BCAR3: variants seen among roughly 807,000 people sequenced by gnomAD.
BCAR3 encodes the protein breast cancer anti-estrogen resistance protein 3.
Under a neutral mutation model 80.1 loss-of-function variants are expected in BCAR3, and 37 were observed. That is an observed-to-expected ratio of 0.46 (90% CI 0.36 to 0.61). The LOEUF (loss-of-function observed/expected upper bound fraction) is 0.61. BCAR3 is among the 20% of genes least tolerant of loss of function. The pLI is 0.00. For synonymous variants in BCAR3, 389 were observed against 418.9 expected, an observed-to-expected ratio of 0.93 and a Z score of 0.87; for missense variants, 978 against 1,068.2, an observed-to-expected ratio of 0.92 and a Z score of 1.18.
At chr1:93,738,458 T>G (rs1157076574) in intron 2 of BCAR3, among the ~76,000 whole-genome samples, 1 of 152,244 alleles carries the variant, frequency 6.6e-6, no homozygotes, top group Non-Finnish European at 1.5e-5. Flanking sequence ...GCTAAGCTTG[T>G]GCTCCGCCCT....
At chr1:93,682,777 T>G (rs1402808424), upstream of BCAR3, among the ~76,000 whole-genome samples, 1 of 152,176 alleles carries the variant, frequency 6.6e-6, no homozygotes, top group Admixed American at 6.5e-5. Context: ...GGTCTCGAAC[T>G]CCTGACCTCA....
intron 2 of BCAR3, among the ~76,000 whole-genome samples, chr1:93,713,576 A>G (rs1650097839): frequency 6.6e-6 from 1 of 152,194 alleles, no homozygotes; most frequent in Admixed American, 6.5e-5. Context: ...CTGAAGCAAG[A>G]GTTCCTTGCT....
At chr1:93,726,215 C>T (rs1185471711) in intron 2 of BCAR3, among the ~76,000 whole-genome samples, 2 of 152,144 alleles carry the variant, frequency 1.3e-5, no homozygotes, top group Non-Finnish European at 2.9e-5. Flanking sequence ...CAAGTGCATA[C>T]CACCATGCCC....
intron 3 of BCAR3, among the ~76,000 whole-genome samples, chr1:93,604,885 T>C (rs1167496694): frequency 2.6e-5 from 4 of 152,194 alleles, no homozygotes; most frequent in African/African-American, 7.2e-5. Flanking sequence ...AATGTACTCA[T>C]TGCACTGTAA....
At chr1:93,613,493 A>G (rs1288614931) in intron 3 of BCAR3, among the ~76,000 whole-genome samples, 2 of 152,242 alleles carry the variant, frequency 1.3e-5, no homozygotes, top group Non-Finnish European at 2.9e-5. Flanking sequence ...AAAAGGGCTC[A>G]GCTACCTTGT....
intron 5 of BCAR3, among the ~76,000 whole-genome samples, chr1:93,588,765 C>T (rs1208425359): frequency 2.0e-5 from 3 of 152,098 alleles, no homozygotes; most frequent in African/African-American, 7.2e-5. Flanking sequence ...CAGCACCCCC[C>T]GAAATTCTTC....
At chr1:93,834,970 A>G (rs997033936) in intron 2 of BCAR3, among the ~76,000 whole-genome samples, 2 of 152,126 alleles carry the variant, frequency 1.3e-5, no homozygotes, top group Admixed American at 1.3e-4. Context: ...TGGTTTATCG[A>G]TGGCGGTTCC....
At chr1:93,685,883 G>A (rs1273422910), upstream of BCAR3, among the ~76,000 whole-genome samples, 1 of 151,980 alleles carries the variant, frequency 6.6e-6, no homozygotes, top group African/African-American at 2.4e-5. Flanking sequence ...AATAAGTGAG[G>A]ATGCTTATAT....
chr1:93,699,575 T>C (rs909193096), intron 3 of BCAR3, among the ~76,000 whole-genome samples: 2 of 152,054 alleles, frequency 1.3e-5, no homozygotes, highest in East Asian at 1.9e-4. Context: ...TCTCTCCTCC[T>C]CCCGGCCCCA....
intron 2 of BCAR3, among the ~76,000 whole-genome samples, chr1:93,748,635 T>G (rs971250115): frequency 6.6e-6 from 1 of 152,218 alleles, no homozygotes; most frequent in Non-Finnish European, 1.5e-5. Context: ...TGCACCAATC[T>G]TCTTTTGTCC....
chr1:93,704,729 A>G (rs1557660661), intron 3 of BCAR3, among the ~76,000 whole-genome samples: 2 of 152,174 alleles, frequency 1.3e-5, no homozygotes, highest in Non-Finnish European at 2.9e-5. Flanking sequence ...GGGAGAATAG[A>G]TGGTAGAAGG....
intron 5 of BCAR3, chr1:93,585,112 C>G: frequency 9.1e-6 from 9 of 985,362 alleles, no homozygotes; most frequent in Non-Finnish European, 1.1e-5. Flanking sequence ...GATATTTAAG[C>G]AGTGACCACT....
intron 2 of BCAR3, among the ~76,000 whole-genome samples, chr1:93,814,142 T>G (rs188850708): frequency 2.0e-5 from 3 of 152,226 alleles, no homozygotes; most frequent in African/African-American, 7.2e-5. Context: ...AGCTTTGATC[T>G]CTGCAAAGGC....
intron 2 of BCAR3, among the ~76,000 whole-genome samples, chr1:93,715,899 T>A (rs896006538): frequency 6.6e-6 from 1 of 152,230 alleles, no homozygotes; most frequent in Non-Finnish European, 1.5e-5. Context: ...TTAATGCGTT[T>A]GAGTAGCGCT....
chr1:93,636,946 A>G (rs892224185), intron 3 of BCAR3, among the ~76,000 whole-genome samples: 1 of 151,992 alleles, frequency 6.6e-6, no homozygotes, highest in Admixed American at 6.6e-5. Flanking sequence ...AAAATAAAAA[A>G]AAATTAGGCA....
At chr1:93,695,910 A>G (rs1649374336) in intron 3 of BCAR3, among the ~76,000 whole-genome samples, 1 of 152,118 alleles carries the variant, frequency 6.6e-6, no homozygotes, top group Non-Finnish European at 1.5e-5. Context: ...GACAGTTTCC[A>G]GCCTGTCTTT....
chr1:93,812,373 C>T (rs953177994), intron 2 of BCAR3, among the ~76,000 whole-genome samples: 1 of 152,124 alleles, frequency 6.6e-6, no homozygotes, highest in Non-Finnish European at 1.5e-5. Flanking sequence ...CCTCTTCATA[C>T]CTCTATCAGG....
chr1:93,587,026 C>T (rs533775546), intron 5 of BCAR3, among the ~76,000 whole-genome samples: 94 of 152,284 alleles, frequency 6.2e-4, no homozygotes, highest in Admixed American at 1.2e-3. Flanking sequence ...CCACCTGCCT[C>T]GGCCTCCCAA....
intron 1 of BCAR3, among the ~76,000 whole-genome samples, chr1:93,680,206 G>C (rs889391072): frequency 1.3e-5 from 2 of 152,158 alleles, no homozygotes; most frequent in Non-Finnish European, 1.5e-5. Flanking sequence ...GGATTTACCC[G>C]ATAAGGTTCT....
Sources: allele counts gnomAD v4.1 joint callset (sites outside exome capture counted in the v4.1 genomes callset), GRCh38; gene constraint gnomAD v4.1.1; transcripts MANE v1.5; gene names NCBI Gene and HGNC (gene_info 2026-07-23, HGNC 2026-07-21).